The following NRXN3 variants were observed in gnomAD, a reference collection of about 807,000 sequenced individuals.
NRXN3 encodes neurexin III.
A neutral mutation model predicts 137.6 loss-of-function variants in NRXN3; 32 were observed. The ratio of observed to expected loss-of-function variants is 0.23; its 90% CI spans 0.18 to 0.31. The LOEUF (loss-of-function observed/expected upper bound fraction) is 0.31. Ranked by LOEUF, NRXN3 falls within the 10% of genes least tolerant of loss-of-function variation. NRXN3 has a pLI of 1.00. For synonymous variants in NRXN3, 798 were observed against 784.5 expected (o/e 1.02, Z -0.29); for missense variants, 1,574 against 2,062.5 (o/e 0.76, Z 4.59).
At chr14:79,317,263 A>G (rs545192460) in intron 15 of NRXN3, among the ~76,000 whole-genome samples, 3 of 152,198 alleles carry the variant, frequency 2.0e-5, no homozygotes, top group African/African-American at 7.2e-5. Context: ...TGGCGGGGCC[A>G]AGATCTCTCT....
At chr14:79,763,577 A>C (rs984525963) in intron 19 of NRXN3, among the ~76,000 whole-genome samples, 1 of 151,622 alleles carries the variant, frequency 6.6e-6, no homozygotes, top group Non-Finnish European at 1.5e-5. Flanking sequence ...CATTATAAAC[A>C]ACAGAAATGT....
In NRXN3 at chr14:79,095,401, C is replaced by T. The variant is rs183882356; in HGVS notation, c.3262+107260C>T. ...ATAAATCTAAATCTTTCATTTGCAA[C>T]GAGCTAAAGTTTTGGATGCTCAACA... On this transcript the variant is annotated intron_variant, in intron 15 of 20. Coordinates refer to ENST00000335750, the MANE Select transcript of NRXN3 (RefSeq NM_001330195.2). Among the ~76,000 whole-genome samples, 9 of 152,218 alleles carry T rather than the reference C, an allele frequency of 5.9e-5. No homozygotes were observed. The East Asian group carries it at 9.7e-4, about 16-fold the overall frequency.
chr14:79,029,965 G>GC (rs1196970093), intron 15 of NRXN3, among the ~76,000 whole-genome samples: 7 of 150,886 alleles, frequency 4.6e-5, no homozygotes, highest in Non-Finnish European at 8.8e-5. Flanking sequence ...TACTGTCTTA[G>GC]CCCCCCCAAG....
At chr14:79,362,488 T>C (rs1238743351) in intron 15 of NRXN3, among the ~76,000 whole-genome samples, 1 of 152,080 alleles carries the variant, frequency 6.6e-6, no homozygotes, top group African/African-American at 2.4e-5. Flanking sequence ...GGGAAATAAA[T>C]ATATATTAAC....
At chr14:78,248,264 G>C (rs921405983) in intron 2 of NRXN3, among the ~76,000 whole-genome samples, 1 of 140,436 alleles carries the variant, frequency 7.1e-6, no homozygotes. Context: ...TAAGCACACC[G>C]TTGTGTGGTC....
At chr14:78,373,985 G>T (rs73317696) in intron 4 of NRXN3, among the ~76,000 whole-genome samples, 2,972 of 152,292 alleles carry the variant, frequency 0.02, 78 homozygotes, top group African/African-American at 0.063. Flanking sequence ...TAAGTGAGTT[G>T]TTGACTTTTT....
chr14:79,121,658 T>C (rs2055462457), intron 15 of NRXN3, among the ~76,000 whole-genome samples: 1 of 152,240 alleles, frequency 6.6e-6, no homozygotes, highest in Admixed American at 6.5e-5. Context: ...GAGCAATACG[T>C]TCAGTGACCA....
intron 15 of NRXN3, among the ~76,000 whole-genome samples, chr14:79,082,490 A>G (rs987609532): frequency 2.0e-5 from 3 of 151,914 alleles, no homozygotes; most frequent in Non-Finnish European, 4.4e-5. Flanking sequence ...GAATCATAGC[A>G]CCAAAACGTT....
rs948567984 is a variant in NRXN3 at position 78,599,804 on chromosome 14, T to C, written c.758-45316T>C. ...TCTAAAGTATTTGCTGGGACAGGGT[T>C]AAATGGATAGGGAAAAAAAGAAATA... On this transcript the variant is annotated intron_variant, in intron 4 of 20. Transcript: ENST00000335750. 1.3e-5 allele frequency among the ~76,000 whole-genome samples: 2 copies of C among 152,140 alleles called. 1 individual carries two copies. Among genetic ancestry groups the C allele is most frequent in the African/African-American group, 4.8e-5 (2 of 41,428 alleles).
At chr14:79,098,077 A>G (rs2050663347) in intron 15 of NRXN3, among the ~76,000 whole-genome samples, 2 of 152,184 alleles carry the variant, frequency 1.3e-5, no homozygotes, top group South Asian at 4.1e-4. Context: ...AAGTGGAATA[A>G]CAAGCCCTTT....
chr14:78,620,134 C>A (rs2097386031), intron 4 of NRXN3, among the ~76,000 whole-genome samples: 2 of 152,126 alleles, frequency 1.3e-5, no homozygotes, highest in Admixed American at 1.3e-4. Flanking sequence ...ATAAAGTTAC[C>A]TGTTTTTACA....
intron 8 of NRXN3, among the ~76,000 whole-genome samples, chr14:78,765,491 A>G (rs1297616018): frequency 2.0e-5 from 3 of 152,026 alleles, no homozygotes; most frequent in African/African-American, 4.8e-5. Flanking sequence ...GATCCAAATA[A>G]TTGCTTCTCT....
intron 15 of NRXN3, among the ~76,000 whole-genome samples, chr14:79,002,897 C>T (rs553988667): frequency 5.3e-5 from 8 of 152,132 alleles, no homozygotes; most frequent in South Asian, 2.1e-4. Flanking sequence ...TTGATAAGTC[C>T]GTATAATTTA....
chr14:79,421,323 T>G (rs1434190412), intron 15 of NRXN3, among the ~76,000 whole-genome samples: 1 of 152,166 alleles, frequency 6.6e-6, no homozygotes, highest in Non-Finnish European at 1.5e-5. Context: ...TTGATAAAAT[T>G]TATGAGAAAC....
intron 4 of NRXN3, among the ~76,000 whole-genome samples, chr14:78,328,429 C>A (rs2153566977): frequency 6.6e-6 from 1 of 152,250 alleles, no homozygotes; most frequent in African/African-American, 2.4e-5. Context: ...ACCACAGCAT[C>A]ATATTCAACT....
chr14:79,773,531 A>T (rs2099086346), intron 19 of NRXN3, among the ~76,000 whole-genome samples: 1 of 151,148 alleles, frequency 6.6e-6, no homozygotes, highest in South Asian at 2.1e-4. Flanking sequence ...CGCAAGAACA[A>T]ACAACCAAAC....
At chr14:79,225,546 C>T (rs944605245) in intron 15 of NRXN3, among the ~76,000 whole-genome samples, 15 of 152,066 alleles carry the variant, frequency 9.9e-5, no homozygotes, top group Non-Finnish European at 1.8e-4. Context: ...TTTAAAACAA[C>T]GTAAAACCTA....
chr14:79,074,645 G>A (rs772506870), intron 15 of NRXN3: 1 of 152,248 alleles, frequency 6.6e-6, no homozygotes, highest in Non-Finnish European at 1.5e-5. Flanking sequence ...CCTCAGATCT[G>A]TTAGGCTGGA....
At chr14:78,794,933 C>CA (rs768073608) in intron 8 of NRXN3, among the ~76,000 whole-genome samples, 6,020 of 22,992 alleles carry the variant, frequency 0.26, 160 homozygotes, top group South Asian at 0.46. Flanking sequence ...AACAAACAAA[C>CA]AAACAAAAAA....
Sources: allele counts gnomAD v4.1 joint callset (sites outside exome capture counted in the v4.1 genomes callset), GRCh38; gene constraint gnomAD v4.1.1; transcripts MANE v1.5; gene names NCBI Gene and HGNC (gene_info 2026-07-23, HGNC 2026-07-21).